The following KANK1 variants were observed in gnomAD, a reference collection of about 807,000 sequenced individuals.
KANK1 encodes KN motif and ankyrin repeat domains 1.
A neutral mutation model predicts 106.2 loss-of-function variants in KANK1; 109 were observed. The observed-to-expected ratio is 1.03, with a 90% CI of 0.88 to 1.20. The LOEUF is 1.20. Among genes scored for constraint, KANK1 ranks in the 50% most tolerant of loss-of-function variants. KANK1 has a pLI of 0.00. For synonymous variants in KANK1, 873 were observed against 652.2 expected (o/e 1.34, Z -5.16); for missense variants, 2,399 against 1,710.7 (o/e 1.40, Z -7.10).
At chr9:554,724 A>G (rs899371880) in intron 1 of KANK1, among the ~76,000 whole-genome samples, 6 of 152,192 alleles carry the variant, frequency 3.9e-5, no homozygotes, top group Non-Finnish European at 5.9e-5. Flanking sequence ...AGGATTTGAC[A>G]TTTTCAGCAA....
chr9:544,443 ACTT>A (rs1400147223), intron 1 of KANK1, among the ~76,000 whole-genome samples: 2 of 152,130 alleles, frequency 1.3e-5, no homozygotes, highest in Non-Finnish European at 2.9e-5. Flanking sequence ...TAGTCTTCGT[ACTT>A]CTTATCTTCA....
chr9:558,087 G>A (rs1054355932), intron 1 of KANK1, among the ~76,000 whole-genome samples: 1 of 152,176 alleles, frequency 6.6e-6, no homozygotes, highest in African/African-American at 2.4e-5. Flanking sequence ...CAGATGCTGT[G>A]AGAGGAGGTG....
intron 1 of KANK1, among the ~76,000 whole-genome samples, chr9:633,059 T>C (rs779414790): frequency 3.3e-5 from 5 of 152,088 alleles, no homozygotes; most frequent in Admixed American, 1.3e-4. Flanking sequence ...CCACATCTTA[T>C]GAGGTTTCCT....
At chr9:684,578 A>C (rs971081913) in intron 2 of KANK1, 7 of 985,236 alleles carry the variant, frequency 7.1e-6, no homozygotes, top group Non-Finnish European at 8.4e-6. Flanking sequence ...TCTCGTTGTG[A>C]GTATTGGCAT....
intron 1 of KANK1, among the ~76,000 whole-genome samples, chr9:634,988 T>C (rs971911461): frequency 2.0e-5 from 3 of 152,054 alleles, no homozygotes; most frequent in African/African-American, 7.3e-5. Context: ...CTTGTAGGAG[T>C]AAGGAAACAT....
chr9:659,743 C>G (rs1017785331), intron 1 of KANK1, among the ~76,000 whole-genome samples: 1 of 151,864 alleles, frequency 6.6e-6, no homozygotes, highest in Admixed American at 6.6e-5. Context: ...ACAACCAGTT[C>G]TCGGGGGAAG....
At chr9:579,165 T>G (rs1390295443) in intron 1 of KANK1, among the ~76,000 whole-genome samples, 1 of 152,158 alleles carries the variant, frequency 6.6e-6, no homozygotes, top group African/African-American at 2.4e-5. Flanking sequence ...AGGTATTCAG[T>G]TGAGGGCTGG....
chr9:679,812 A>C (rs1300868311), intron 2 of KANK1, among the ~76,000 whole-genome samples: 1 of 152,208 alleles, frequency 6.6e-6, no homozygotes, highest in African/African-American at 2.4e-5. Flanking sequence ...CCTATTTTTT[A>C]TATAGTTGTC....
chr9:537,275 G>T (rs751902090), intron 1 of KANK1, among the ~76,000 whole-genome samples: 1 of 152,134 alleles, frequency 6.6e-6, no homozygotes, highest in Non-Finnish European at 1.5e-5. Flanking sequence ...ACTGAGCAGG[G>T]TTCCCTTGGG....
intron 1 of KANK1, among the ~76,000 whole-genome samples, chr9:509,193 G>C (rs1007466028): frequency 2.0e-5 from 3 of 152,174 alleles, no homozygotes; most frequent in Non-Finnish European, 4.4e-5. Flanking sequence ...TGCCTCCTGA[G>C]TTCAAGCAAT....
chr9:669,046 C>CA (rs1362931272), intron 1 of KANK1, among the ~76,000 whole-genome samples: 51 of 151,646 alleles, frequency 3.4e-4, no homozygotes, highest in Non-Finnish European at 5.6e-4. Flanking sequence ...TCTTAGATCA[C>CA]AAAAAAAAGA....
chr9:686,499 T>G (rs1167364251), intron 2 of KANK1, among the ~76,000 whole-genome samples: 2 of 151,934 alleles, frequency 1.3e-5, no homozygotes, highest in African/African-American at 4.8e-5. Flanking sequence ...CACGCTAGGG[T>G]GGAGACCTGG....
Position 552,788 on chromosome 9 carries a change from G to A in KANK1, c.-84+48034G>A, listed in dbSNP as rs186219738. Among the ~76,000 whole-genome samples the A allele has an allele frequency of 2.2e-4, 33 of 152,280 alleles. 1 individual carries two copies. In the East Asian group the frequency reaches 6.0e-3, roughly 28 times the overall value. The stretch of plus-strand genomic sequence containing the variant: ...ATCAGGGTGCTTGTGGTTAGGTATT[G>A]CATACACTGCTTTTATTTGCAGAAT... On this transcript the variant is annotated intron_variant, in intron 1 of 11. Coordinates refer to ENST00000382297, the MANE Select transcript of KANK1 (RefSeq NM_015158.5).
intron 1 of KANK1, among the ~76,000 whole-genome samples, chr9:582,543 C>G (rs1455992016): frequency 6.6e-6 from 1 of 152,150 alleles, no homozygotes; most frequent in Non-Finnish European, 1.5e-5. Context: ...TTGACTACAA[C>G]CAGTTTAGAT....
intron 3 of KANK1, among the ~76,000 whole-genome samples, chr9:729,063 CCT>C (rs1831509571): frequency 6.6e-6 from 1 of 152,162 alleles, no homozygotes; most frequent in African/African-American, 2.4e-5. Context: ...TCAGAGTAAA[CCT>C]CTTTTTTACA....
chr9:720,529 CTGTT>C (rs1366072812), intron 3 of KANK1, among the ~76,000 whole-genome samples: 1 of 152,148 alleles, frequency 6.6e-6, no homozygotes, highest in Non-Finnish European at 1.5e-5. Context: ...TTGTTGTGTT[CTGTT>C]TGTTAGAGAG....
At chr9:696,248 C>G (rs1588987325) in intron 2 of KANK1, among the ~76,000 whole-genome samples, 1 of 151,212 alleles carries the variant, frequency 6.6e-6, no homozygotes, top group Non-Finnish European at 1.5e-5. Flanking sequence ...CACGCCACTG[C>G]ACTCCAGCCT....
intron 3 of KANK1, among the ~76,000 whole-genome samples, chr9:715,429 C>A (rs1006199780): frequency 5.9e-5 from 9 of 152,210 alleles, no homozygotes; most frequent in Non-Finnish European, 1.0e-4. Context: ...TCCCTCCTCC[C>A]CAAACTGGGG....
At chr9:514,909 C>G (rs1013079584) in intron 1 of KANK1, among the ~76,000 whole-genome samples, 5 of 151,732 alleles carry the variant, frequency 3.3e-5, no homozygotes, top group African/African-American at 1.2e-4. Flanking sequence ...TTCAGTTGCA[C>G]CACAGTGCTT....
Sources: allele counts gnomAD v4.1 joint callset (sites outside exome capture counted in the v4.1 genomes callset), GRCh38; gene constraint gnomAD v4.1.1; transcripts MANE v1.5; gene names NCBI Gene and HGNC (gene_info 2026-07-23, HGNC 2026-07-21).